Variants in CHD6 observed in about 807,000 individuals in gnomAD.
The protein encoded by CHD6 is chromodomain helicase DNA binding protein 6.
A neutral mutation model predicts 276.9 loss-of-function variants in CHD6; 50 were observed. The observed-to-expected ratio is 0.18, with a 90% confidence interval of 0.14 to 0.23. The LOEUF is 0.23. Among genes scored for constraint, CHD6 ranks in the 10% least tolerant of loss-of-function variants. The pLI is 1.00. For missense variants in CHD6, 2,564 were observed against 3,365.8 expected (o/e 0.76, Z 5.89); for synonymous variants, 1,173 against 1,229.3 (o/e 0.95, Z 0.96).
At chr20:41,467,000 C>T (rs2042935626) in intron 17 of CHD6, among the ~76,000 whole-genome samples, 1 of 152,200 alleles carries the variant, frequency 6.6e-6, no homozygotes, top group African/African-American at 2.4e-5. Context: ...GTAAACCACA[C>T]ATACTGAGGC....
chr20:41,585,732 C>T (rs2146246402), intron 1 of CHD6, among the ~76,000 whole-genome samples: 1 of 152,192 alleles, frequency 6.6e-6, no homozygotes, highest in African/African-American at 2.4e-5. Flanking sequence ...TTTCATGAGG[C>T]CAGCATTACC....
intron 7 of CHD6, 117 bp downstream of exon 7, chr20:41,498,051 T>G (rs2043730849): frequency 1.4e-6 from 1 of 723,348 alleles, no homozygotes; most frequent in Non-Finnish European, 2.4e-6. Context: ...AGCCAAGACC[T>G]GTGGGTCATG....
rs369159347 is a variant in CHD6 at position 41,609,855 on chromosome 20, CT to C, written c.-24+8484del. Among the ~76,000 whole-genome samples, 517 of 128,202 alleles carry C rather than the reference CT, an allele frequency of 4.0e-3. 1 individual carries two copies. Among genetic ancestry groups the C allele is most frequent in the East Asian group, 0.016 (69 of 4,372 alleles). The allele number at this position is 128,202 out of a possible 152,430, so 84.1% of individuals were successfully genotyped here. On this transcript the variant is annotated intron_variant, in intron 1 of 36. Coordinates refer to ENST00000373233, the MANE Select transcript of CHD6 (RefSeq NM_032221.5). Reference sequence around the variant, plus strand: ...TGTGTTTCCTTTTTTTTTCTTTTTTCTTTTTTTTTTTTTTTTTTTGAGATGG... The same window carrying C: ...TGTGTTTCCTTTTTTTTTCTTTTTTCTTTTTTTTTTTTTTTTTTGAGATGG...
At chr20:41,508,523 A>G (rs1360764571) in intron 5 of CHD6, among the ~76,000 whole-genome samples, 1 of 152,154 alleles carries the variant, frequency 6.6e-6, no homozygotes, top group Non-Finnish European at 1.5e-5. Flanking sequence ...AGTAAACTGT[A>G]CACTGGGCTC....
chr20:41,535,734 T>C (rs1210743245), intron 2 of CHD6, among the ~76,000 whole-genome samples: 2 of 152,090 alleles, frequency 1.3e-5, no homozygotes, highest in Non-Finnish European at 2.9e-5. Flanking sequence ...GCAGTGGTGG[T>C]GCACACCTGT....
intron 17 of CHD6, among the ~76,000 whole-genome samples, chr20:41,467,357 G>A (rs2042943832): frequency 6.6e-6 from 1 of 151,998 alleles, no homozygotes; most frequent in Admixed American, 6.6e-5. Context: ...TGAAGTCCAA[G>A]GGAAATGCAT....
intron 1 of CHD6, among the ~76,000 whole-genome samples, chr20:41,582,270 GAGCTGATATAACTA>G (rs2045548564): frequency 6.6e-6 from 1 of 152,318 alleles, no homozygotes; most frequent in South Asian, 2.1e-4. Flanking sequence ...TTTGATGCAA[GAGCTGATATAACTA>G]AGGAAGAGTT....
In CHD6 at chr20:41,464,628, A is replaced by G. The variant is rs547118738; in HGVS notation, c.2665-7200T>C. On this transcript the variant is annotated intron_variant, in intron 17 of 36. Transcript: ENST00000373233. ...ATGGATGAATATATACAGAATAAAT[A>G]TAGCTGTGTGGTATGAGTGCTTGCT... Among the ~76,000 whole-genome samples the G allele has an allele frequency of 9.2e-5, 14 of 152,368 alleles. 1 individual carries two copies. The South Asian group carries it at 2.1e-3, about 23-fold the overall frequency.
rs542485347 is a variant in CHD6, at chr20:41,404,148, G to A, written c.*445C>T. ...ATGCACCAGCACTTCCTTTTTCTGT[G>A]CTTTTTGGTTCCCTGTGACATTCTT... On this transcript the variant is annotated 3_prime_UTR_variant, in exon 37 of 37. Transcript: ENST00000373233. 1.9e-6 allele frequency: 2 copies of A among 1,059,674 alleles called. No individual in the cohort carries two copies. The highest frequency in any genetic ancestry group is 3.3e-5 in the African/African-American group (2 of 60,918). The allele number at this position is 1,059,674 out of a possible 1,614,324, so 65.6% of individuals were successfully genotyped here.
Position 41,473,657 on chromosome 20 carries a change from G to T in CHD6, c.2469-140C>A. 2 of 653,666 alleles carry T rather than the reference G, an allele frequency of 3.1e-6. No homozygotes were observed. The highest frequency in any genetic ancestry group is 5.3e-6 in the Non-Finnish European group (2 of 380,278). 40.5% of individuals were successfully genotyped at this position (653,666 alleles called of 1,614,324 possible). A position where few individuals can be genotyped will look rare whatever the true frequency, so the allele number is the denominator to read the frequency against. On this transcript the variant is annotated intron_variant, in intron 16 of 36. Transcript: ENST00000373233. The surrounding 1 kb of genome is among the most constrained non-coding windows in gnomAD (Gnocchi z 4.1). Reference sequence around the variant, plus strand: ...GGACCAAATGACAGCAGTCTAGAAGGAATCCTGCCCCCTACATATGCAGCA... The same window carrying T: ...GGACCAAATGACAGCAGTCTAGAAGTAATCCTGCCCCCTACATATGCAGCA...
chr20:41,493,098 G>T (rs1488416104), intron 10 of CHD6, among the ~76,000 whole-genome samples: 1 of 152,062 alleles, frequency 6.6e-6, no homozygotes, highest in Non-Finnish European at 1.5e-5. Flanking sequence ...GGGAGTCACA[G>T]GGATCTGCAG....
chr20:41,504,378 T>C (rs1181358553), intron 5 of CHD6, among the ~76,000 whole-genome samples: 1 of 150,008 alleles, frequency 6.7e-6, no homozygotes, highest in African/African-American at 2.4e-5. Flanking sequence ...TTAAAATTCA[T>C]CTTGTCCATC....
At position 41,415,349 on chromosome 20, in the gene CHD6, A is replaced by C. The variant is rs755155128; in HGVS notation, c.6776T>G (p.Ile2259Ser). The C allele has an allele frequency of 6.2e-7, 1 of 1,614,128 alleles. No individual in the cohort carries two copies. The highest frequency in any genetic ancestry group is 1.1e-5 in the South Asian group (1 of 91,082). Residue 2259 changes from isoleucine to serine, a missense_variant, in exon 34 of 37, where the codon ATT becomes AGT. By Grantham distance (142) the Ile-to-Ser change is moderately radical. Transcript: ENST00000373233. The part of the protein sequence containing the change: ...QGALGMDLSG[I>S]LQAGLIHPVT... Reference sequence around the variant, plus strand: ...AGGATGGATCAGGCCAGCTTGCAGAATCCCAGACAAGTCCATGCCAAGGGC... The same window carrying C: ...AGGATGGATCAGGCCAGCTTGCAGACTCCCAGACAAGTCCATGCCAAGGGC...
intron 28 of CHD6, 112 bp from the exon 29 acceptor site, chr20:41,425,506 T>A (rs2047334009): frequency 1.8e-6 from 2 of 1,099,880 alleles, no homozygotes; most frequent in Non-Finnish European, 2.6e-6. Context: ...TTACTCAAAG[T>A]AGTTACTGTT....
chr20:41,463,424 A>C lies in CHD6; in HGVS notation c.2665-5996T>G, dbSNP rs1033076527. ...TTACTTATTATTTTCAAAGGGAAAAACAGAAACTTTATAAGTGGAGAAATC... is the reference window on the plus strand; with the variant it reads ...TTACTTATTATTTTCAAAGGGAAAACCAGAAACTTTATAAGTGGAGAAATC... On this transcript the variant is annotated intron_variant, in intron 17 of 36. Transcript: ENST00000373233. Among the ~76,000 whole-genome samples, 7 of 152,342 alleles carry C rather than the reference A, an allele frequency of 4.6e-5. No individual in the cohort carries two copies. In the East Asian group the frequency reaches 1.3e-3, roughly 29 times the overall value.
chr20:41,587,211 AAT>A (rs1301925460), intron 1 of CHD6, among the ~76,000 whole-genome samples: 1 of 152,218 alleles, frequency 6.6e-6, no homozygotes, highest in Non-Finnish European at 1.5e-5. Flanking sequence ...TACCATTTAA[AAT>A]AGTGTCCAAA....
chr20:41,462,122 TTG>T (rs2042814992), intron 17 of CHD6, among the ~76,000 whole-genome samples: 1 of 152,202 alleles, frequency 6.6e-6, no homozygotes, highest in Non-Finnish European at 1.5e-5. Flanking sequence ...TAGGAAGTGT[TTG>T]TGTGTGTAGA....
At chr20:41,446,872 T>C (rs976742040) in intron 24 of CHD6, among the ~76,000 whole-genome samples, 4 of 152,214 alleles carry the variant, frequency 2.6e-5, no homozygotes, top group Non-Finnish European at 5.9e-5. Context: ...GTGTTCTACC[T>C]AGCTACCACC....
Position 41,425,253 on chromosome 20 carries a change from T to C in CHD6, c.4271A>G (p.Gln1424Arg), listed in dbSNP as rs1203801384. Reference protein sequence around the residue: ...CRPEILGPGNQGYWVQEEMFR... With the variant: ...CRPEILGPGNRGYWVQEEMFR... ...CATCTCTTCCTGAACCCAATATCCTTGGTTACCTGGTCCCAGAATTTCAGG... is the reference window on the plus strand; with the variant it reads ...CATCTCTTCCTGAACCCAATATCCTCGGTTACCTGGTCCCAGAATTTCAGG... The change falls in exon 29 of 37, where the codon CAA (glutamine) becomes CGA (arginine). Residue 1424 changes from glutamine (Q) to arginine (R), a missense_variant. Transcript: ENST00000373233. 1 of 1,614,196 alleles carries C rather than the reference T, an allele frequency of 6.2e-7. No homozygotes were observed. The highest frequency in any genetic ancestry group is 1.1e-5 in the South Asian group (1 of 91,080).
Sources: gnomAD v4.1 joint callset for allele counts (sites outside exome capture counted in the v4.1 genomes callset) on GRCh38, gnomAD v4.1.1 for gene constraint, Gnocchi (gnomAD v3.1) non-coding constraint, MANE v1.5 for transcripts, NCBI Gene and HGNC (gene_info 2026-07-23, HGNC 2026-07-21) for gene names.